The following SMARCAL1 variants were observed in gnomAD, a reference collection of about 807,000 sequenced individuals.
SMARCAL1 encodes SNF2 related chromatin remodeling annealing helicase 1.
A neutral mutation model predicts 94.5 loss-of-function variants in SMARCAL1; 58 were observed. The observed-to-expected ratio is 0.61, with a 90% CI of 0.50 to 0.76. SMARCAL1 has a LOEUF of 0.76. Ranked by LOEUF, SMARCAL1 falls within the 30% of genes least tolerant of loss-of-function variation. SMARCAL1 has a pLI of 0.00. For missense variants in SMARCAL1, 1,051 were observed against 1,177.9 expected (o/e 0.89, Z 1.58); for synonymous variants, 422 against 455.1 (o/e 0.93, Z 0.93).
chr2:216,417,362 A>AT (rs3836033), intron 4 of SMARCAL1, among the ~76,000 whole-genome samples: 35,533 of 152,040 alleles, frequency 0.23, 5,095 homozygotes, highest in Non-Finnish European at 0.32. Flanking sequence ...ATACAAATTT[A>AT]TTTTTTACAG....
Position 216,446,907 on chromosome 2 carries a change from G to T in SMARCAL1, c.1711-111G>T, listed in dbSNP as rs284550. 314,130 of 1,251,278 alleles carry T rather than the reference G, an allele frequency of 0.25. 50,262 individuals are homozygous for T. The highest frequency in any genetic ancestry group is 0.73 in the African/African-American group (49,446 of 68,082). 77.5% of individuals were successfully genotyped at this position (1,251,278 alleles called of 1,614,324 possible). A position where few individuals can be genotyped will look rare whatever the true frequency, so the allele number is the denominator to read the frequency against. The stretch of plus-strand genomic sequence containing the variant: ...CAATGCCATTAGGTTCTCGCGACAC[G>T]CACGCGGTCTTTTTCTGGGGGCATC... On this transcript the variant is annotated intron_variant, in intron 10 of 17. Coordinates refer to ENST00000357276, the MANE Select transcript of SMARCAL1 (RefSeq NM_014140.4).
intron 2 of SMARCAL1, chr2:216,414,162 C>CT (rs150382661): frequency 5.8e-4 from 86 of 147,606 alleles, no homozygotes; most frequent in South Asian, 1.7e-3. Flanking sequence ...TTGCTTTTTG[C>CT]TTTTTTTTTT....
intron 12 of SMARCAL1, among the ~76,000 whole-genome samples, chr2:216,461,705 C>G (rs966002333): frequency 4.6e-5 from 7 of 151,966 alleles, no homozygotes; most frequent in African/African-American, 1.7e-4. Flanking sequence ...TAGTGTGTAC[C>G]TGTAGTCCCA....
rs369163180 is a variant in SMARCAL1, at chr2:216,467,987, T to G, written c.2185T>G (p.Leu729Val). The G allele has an allele frequency of 3.7e-6, 6 of 1,613,842 alleles. No homozygotes were observed. In the African/African-American group the frequency reaches 6.7e-5, roughly 18 times the overall value. The stretch of plus-strand genomic sequence containing the variant: ...ACTGGAAAGTGGAAGAGAGAAGTTT[T>G]TAGTATTTGCACACCATAAGGTGGT... The part of the protein sequence containing the change: ...DLLESGREKF[L>V]VFAHHKVVLD... Residue 729 changes from leucine (L) to valine (V), a missense_variant, in exon 14 of 18, where the codon TTA becomes GTA. Physicochemically the swap from Leu to Val is conservative, Grantham distance 32. Transcript: ENST00000357276.
rs530403679 is a variant in SMARCAL1 at position 216,455,989 on chromosome 2, G to T, written c.2070+4925G>T. On this transcript the variant is annotated intron_variant, in intron 12 of 17. Transcript: ENST00000357276. ...CGAATGGCTAACTAGAATAACCAAT[G>T]CAGAGAAGTCCTTAAAGGACCTGAT... is the stretch of plus-strand genomic sequence containing the variant. Among the ~76,000 whole-genome samples the T allele has an allele frequency of 2.2e-3, 330 of 152,318 alleles. 1 individual carries two copies. Among genetic ancestry groups the T allele is most frequent in the African/African-American group, 7.7e-3 (319 of 41,564 alleles).
chr2:216,441,353 C>T (rs1393920884), intron 10 of SMARCAL1, among the ~76,000 whole-genome samples: 1 of 152,128 alleles, frequency 6.6e-6, no homozygotes, highest in Non-Finnish European at 1.5e-5. Context: ...GCTGGGGCTA[C>T]TAATCCTAAA....
intron 4 of SMARCAL1, among the ~76,000 whole-genome samples, chr2:216,417,391 T>C (rs2106017477): frequency 6.6e-6 from 1 of 152,330 alleles, no homozygotes; most frequent in African/African-American, 2.4e-5. Flanking sequence ...GCTGGAAGCC[T>C]GAGATTGGTA....
intron 13 of SMARCAL1, among the ~76,000 whole-genome samples, chr2:216,465,394 G>A (rs1694810562): frequency 1.3e-5 from 2 of 152,172 alleles, no homozygotes; most frequent in Non-Finnish European, 1.5e-5. Context: ...AAATTAGAAG[G>A]AAAAGCTGCC....
At chr2:216,467,923 T>C in intron 13 of SMARCAL1, 21 bp from the exon 14 acceptor site, 1 of 1,413,374 alleles carries the variant, frequency 7.1e-7, no homozygotes, top group Non-Finnish European at 1.0e-6. Flanking sequence ...TAATCTGTTT[T>C]GTTGTCATTG....
intron 4 of SMARCAL1, among the ~76,000 whole-genome samples, chr2:216,417,339 G>C (rs1434262865): frequency 2.7e-5 from 4 of 150,864 alleles, no homozygotes; most frequent in African/African-American, 4.8e-5. Context: ...CCACTGACTG[G>C]GTGGCTTAAA....
At chr2:216,462,223 C>T (rs189043874) in intron 12 of SMARCAL1, among the ~76,000 whole-genome samples, 24 of 152,268 alleles carry the variant, frequency 1.6e-4, no homozygotes, top group African/African-American at 5.5e-4. Flanking sequence ...AGCAGTTTTC[C>T]ATCTGTTTGT....
chr2:216,422,080 G>A (rs1020174176), intron 5 of SMARCAL1, among the ~76,000 whole-genome samples: 1 of 152,060 alleles, frequency 6.6e-6, no homozygotes, highest in African/African-American at 2.4e-5. Flanking sequence ...TTCAGCTTGG[G>A]GTGGCCCTTA....
At chr2:216,416,642 C>T (rs1460636126) in intron 4 of SMARCAL1, among the ~76,000 whole-genome samples, 2 of 152,224 alleles carry the variant, frequency 1.3e-5, no homozygotes, top group African/African-American at 4.8e-5. Flanking sequence ...CACAGGGTCA[C>T]ATAGCCAATA....
At chr2:216,432,010 C>G (rs1362066387) in intron 7 of SMARCAL1, among the ~76,000 whole-genome samples, 2 of 151,966 alleles carry the variant, frequency 1.3e-5, no homozygotes, top group African/African-American at 4.8e-5. Flanking sequence ...CTCTTCTTTC[C>G]TTCCTTCCTT....
intron 7 of SMARCAL1, 106 bp from the exon 8 acceptor site, chr2:216,432,612 C>T: frequency 7.3e-7 from 1 of 1,375,222 alleles, no homozygotes; most frequent in South Asian, 1.2e-5. Context: ...TGGGCCCGGG[C>T]TGGCCAGTGA....
chr2:216,446,922 C>G, intron 10 of SMARCAL1, 96 bp from the exon 11 acceptor site: 2 of 1,480,994 alleles, frequency 1.4e-6, no homozygotes. Context: ...CGGTCTTTTT[C>G]TGGGGGCATC....
At chr2:216,442,293 T>C (rs1694214653) in intron 10 of SMARCAL1, among the ~76,000 whole-genome samples, 1 of 151,926 alleles carries the variant, frequency 6.6e-6, no homozygotes, top group African/African-American at 2.4e-5. Context: ...GGCACACACC[T>C]GTAATCCCAG....
chr2:216,420,263 C>T, intron 4 of SMARCAL1, 36 bp from the exon 5 acceptor site: 1 of 1,550,040 alleles, frequency 6.5e-7, no homozygotes, highest in Non-Finnish European at 8.9e-7. Flanking sequence ...TAGTCCCCTG[C>T]TTTATCACTT....
At chr2:216,464,212 A>G (rs374343293) in intron 12 of SMARCAL1, among the ~76,000 whole-genome samples, 4 of 152,336 alleles carry the variant, frequency 2.6e-5, no homozygotes, top group African/African-American at 7.2e-5. Flanking sequence ...GAAATGTCAC[A>G]TGTAAGTTGT....
Sources: gnomAD v4.1 joint callset for allele counts (sites outside exome capture counted in the v4.1 genomes callset) on GRCh38, gnomAD v4.1.1 for gene constraint, MANE v1.5 for transcripts, NCBI Gene and HGNC (gene_info 2026-07-23, HGNC 2026-07-21) for gene names.